The following RNF180 variants were observed in gnomAD, a reference collection of about 807,000 sequenced individuals.
The protein encoded by RNF180 is E3 ubiquitin-protein ligase RNF180.
Under a neutral mutation model 59.2 loss-of-function variants are expected in RNF180, and 38 were observed. The ratio of observed to expected loss-of-function variants is 0.64; its 90% CI spans 0.50 to 0.84. RNF180 has a LOEUF of 0.84. Among genes scored for constraint, RNF180 ranks in the 40% least tolerant of loss-of-function variants. The probability of loss-of-function intolerance (pLI) is 0.00; values close to 1 mark genes in which losing one functional copy is unlikely to be tolerated. For missense variants in RNF180, 705 were observed against 700.9 expected (o/e 1.01, Z -0.07); for synonymous variants, 262 against 240.3 (o/e 1.09, Z -0.84).
intron 1 of RNF180, among the ~76,000 whole-genome samples, chr5:64,172,178 T>C (rs1051192813): frequency 7.2e-5 from 11 of 152,322 alleles, no homozygotes; most frequent in African/African-American, 2.6e-4. Flanking sequence ...TTCAAATGCA[T>C]AGTGACTGTT....
intron 1 of RNF180, among the ~76,000 whole-genome samples, chr5:64,187,274 A>G (rs1750917280): frequency 6.6e-6 from 1 of 152,202 alleles, no homozygotes; most frequent in African/African-American, 2.4e-5. Flanking sequence ...TAGCAAGTAC[A>G]ATGACAAATT....
In RNF180 at chr5:64,360,349, T is replaced by G. The variant is rs548903232; in HGVS notation, c.1580-9266T>G. Among the ~76,000 whole-genome samples, 306 of 151,836 alleles carry G rather than the reference T, an allele frequency of 2.0e-3. 2 individuals are homozygous for G. The highest frequency in any genetic ancestry group is 7.3e-3 in the African/African-American group (301 of 41,498). On this transcript the variant is annotated intron_variant, in intron 7 of 7. Coordinates refer to ENST00000389100, the MANE Select transcript of RNF180 (RefSeq NM_001113561.2). ...TCTCAATAGATGCAGAAAAAGCCTTTGACAAAATTCAACAACCCTTCATGC... is the reference window on the plus strand; with the variant it reads ...TCTCAATAGATGCAGAAAAAGCCTTGGACAAAATTCAACAACCCTTCATGC...
chr5:64,284,957 T>C (rs1007089467), intron 5 of RNF180, among the ~76,000 whole-genome samples: 14 of 152,236 alleles, frequency 9.2e-5, no homozygotes, highest in African/African-American at 3.4e-4. Flanking sequence ...AGCTGATGTT[T>C]AATCTTTGAA....
At chr5:64,238,657 A>T (rs1190730765) in intron 5 of RNF180, among the ~76,000 whole-genome samples, 1 of 152,084 alleles carries the variant, frequency 6.6e-6, no homozygotes, top group Non-Finnish European at 1.5e-5. Context: ...ATGTCTATTC[A>T]GTCCTTAGCC....
chr5:64,184,438 CA>C (rs1750773712), intron 1 of RNF180, among the ~76,000 whole-genome samples: 1 of 152,002 alleles, frequency 6.6e-6, no homozygotes, highest in Non-Finnish European at 1.5e-5. Context: ...TCATCGGGGT[CA>C]AAAATGGTAA....
At chr5:64,260,599 G>A (rs1744278403) in intron 5 of RNF180, among the ~76,000 whole-genome samples, 1 of 152,078 alleles carries the variant, frequency 6.6e-6, no homozygotes, top group Non-Finnish European at 1.5e-5. Context: ...TGACACTTAG[G>A]TGGACTTGCC....
intron 5 of RNF180, among the ~76,000 whole-genome samples, chr5:64,224,062 GGTGTGTGTGTGTGT>G (rs10694125): frequency 3.5e-4 from 50 of 141,460 alleles, no homozygotes; most frequent in Non-Finnish European, 5.2e-4. Context: ...TCTAGGTTGG[GGTGTGTGTGTGTGT>G]GTGTGTGTGT....
chr5:64,230,451 A>C (rs1462538832), intron 5 of RNF180, among the ~76,000 whole-genome samples: 2 of 152,162 alleles, frequency 1.3e-5, no homozygotes, highest in African/African-American at 4.8e-5. Flanking sequence ...CAAAACTTCC[A>C]TATTCAAAGC....
intron 5 of RNF180, among the ~76,000 whole-genome samples, chr5:64,261,498 T>C (rs1744338887): frequency 6.6e-6 from 1 of 152,166 alleles, no homozygotes; most frequent in Non-Finnish European, 1.5e-5. Context: ...TTTTACATAT[T>C]CCTAATACCA....
intron 1 of RNF180, among the ~76,000 whole-genome samples, chr5:64,178,877 T>C (rs551863611): frequency 1.3e-5 from 2 of 152,176 alleles, no homozygotes; most frequent in Non-Finnish European, 2.9e-5. Flanking sequence ...TTCAGTCTTA[T>C]TGTGTATATG....
chr5:64,240,914 A>T (rs890777459), intron 5 of RNF180, among the ~76,000 whole-genome samples: 1 of 152,122 alleles, frequency 6.6e-6, no homozygotes, highest in Non-Finnish European at 1.5e-5. Context: ...CATAGTACTT[A>T]TTGCCACCTA....
chr5:64,351,016 C>T (rs1343064359), intron 7 of RNF180, among the ~76,000 whole-genome samples: 4 of 151,336 alleles, frequency 2.6e-5, no homozygotes, highest in East Asian at 2.0e-4. Flanking sequence ...GCCATTTTCA[C>T]GATATTGATT....
intron 7 of RNF180, among the ~76,000 whole-genome samples, chr5:64,342,310 C>A (rs1412690687): frequency 6.6e-6 from 1 of 152,108 alleles, no homozygotes; most frequent in Non-Finnish European, 1.5e-5. Context: ...ATATTGCCAG[C>A]TCTTTGCTTT....
intron 7 of RNF180, among the ~76,000 whole-genome samples, chr5:64,365,859 A>C (rs1464387196): frequency 1.3e-5 from 2 of 151,342 alleles, no homozygotes; most frequent in Non-Finnish European, 3.0e-5. Flanking sequence ...TTGAGCTTAT[A>C]GGTGTCATTG....
chr5:64,266,913 T>C (rs1744711625), intron 5 of RNF180, among the ~76,000 whole-genome samples: 3 of 152,152 alleles, frequency 2.0e-5, no homozygotes, highest in Non-Finnish European at 4.4e-5. Context: ...GCAAAACCTG[T>C]ACTGTTCTGA....
chr5:64,246,330 G>T (rs999853189), intron 5 of RNF180, among the ~76,000 whole-genome samples: 1 of 152,120 alleles, frequency 6.6e-6, no homozygotes, highest in Non-Finnish European at 1.5e-5. Context: ...CCAGGAGTTG[G>T]TTTTGTGAAA....
intron 5 of RNF180, among the ~76,000 whole-genome samples, chr5:64,253,555 A>C (rs576730900): frequency 6.6e-6 from 1 of 152,168 alleles, no homozygotes; most frequent in Admixed American, 6.6e-5. Flanking sequence ...GAAATTTTTC[A>C]ATCTGTAAAA....
Position 64,250,869 on chromosome 5 carries a change from C to T in RNF180, c.1227+33473C>T, listed in dbSNP as rs539337954. ...AAACTCATTTATAATGCCACAATCA[C>T]CCTGACATCAAAGCCAGACAGACAC... On this transcript the variant is annotated intron_variant, in intron 5 of 7. Transcript: ENST00000389100. Among the ~76,000 whole-genome samples the T allele has an allele frequency of 9.9e-5, 15 of 152,200 alleles. 2 individuals carry two copies. The highest frequency in any genetic ancestry group is 3.6e-4 in the African/African-American group (15 of 41,522).
intron 1 of RNF180, among the ~76,000 whole-genome samples, chr5:64,176,889 T>C (rs534652081): frequency 1.3e-5 from 2 of 152,250 alleles, no homozygotes; most frequent in African/African-American, 2.4e-5. Context: ...GAGGCCAAAA[T>C]TGAAGTATGG....
Sources: allele counts gnomAD v4.1 joint callset (sites outside exome capture counted in the v4.1 genomes callset), GRCh38; gene constraint gnomAD v4.1.1; transcripts MANE v1.5; gene names NCBI Gene and HGNC (gene_info 2026-07-23, HGNC 2026-07-21).